Variants in MAPKAPK5 observed in about 807,000 individuals in gnomAD.
The protein encoded by MAPKAPK5 is MAP kinase-activated protein kinase 5.
A neutral mutation model predicts 65.1 loss-of-function variants in MAPKAPK5; 30 were observed. The ratio of observed to expected loss-of-function variants is 0.46; its 90% CI spans 0.34 to 0.63. The LOEUF (loss-of-function observed/expected upper bound fraction) is 0.63. MAPKAPK5 is among the 20% of genes least tolerant of loss of function. The probability of loss-of-function intolerance (pLI) is 0.01; values close to 1 mark genes in which losing one functional copy is unlikely to be tolerated. For synonymous variants in MAPKAPK5, 179 were observed against 204.6 expected, an observed-to-expected ratio of 0.87 and a Z score of 1.07; for missense variants, 433 against 581.4, an observed-to-expected ratio of 0.74 and a Z score of 2.63.
chr12:111,871,081 TCAGGA>T lies in MAPKAPK5; in HGVS notation c.484-3_485del, dbSNP rs1443192229. 3.1e-6 allele frequency: 5 copies of T among 1,611,400 alleles called. No homozygotes were observed. The highest frequency in any genetic ancestry group is 1.7e-4 in the Middle Eastern group (1 of 6,040). On this transcript the variant is annotated splice_acceptor_variant and splice_polypyrimidine_tract_variant and coding_sequence_variant and intron_variant, in exon 7 of 14. Coordinates refer to ENST00000550735, the MANE Select transcript of MAPKAPK5 (RefSeq NM_003668.4). LOFTEE classifies it high-confidence loss of function. ...GCAGTGACTCCTTTTTTTTTTAATT[TCAGGA>T]TGCCCCAGTGAAGTTGTGTGACTTT... is the stretch of plus-strand genomic sequence containing the variant.
intron 2 of MAPKAPK5, 151 bp from the exon 3 acceptor site, chr12:111,866,005 C>T (rs1431107348): frequency 1.1e-5 from 7 of 609,192 alleles, no homozygotes; most frequent in South Asian, 4.1e-5. Context: ...ATGCTTCTTT[C>T]CCCCACCTGC....
At chr12:111,872,659 C>T (rs931846888) in intron 7 of MAPKAPK5, among the ~76,000 whole-genome samples, 1 of 152,178 alleles carries the variant, frequency 6.6e-6, no homozygotes, top group Non-Finnish European at 1.5e-5. Context: ...GTCAGCAGGG[C>T]TGTGTTCCTT....
At chr12:111,866,285 C>A (rs527320631) in intron 3 of MAPKAPK5, 54 bp downstream of exon 3, 4 of 1,498,032 alleles carry the variant, frequency 2.7e-6, no homozygotes, top group Non-Finnish European at 3.6e-6. Context: ...AAGAATTGTT[C>A]TTTTGCAAGT....
In MAPKAPK5 at chr12:111,888,559, C is replaced by T. The variant is rs368776129; in HGVS notation, c.1041C>T (p.Val347=). 3 of 1,613,886 alleles carry T rather than the reference C, an allele frequency of 1.9e-6. No homozygotes were observed. Among genetic ancestry groups the T allele is most frequent in the South Asian group, 2.2e-5 (2 of 91,080 alleles). Residue 347 remains valine, a synonymous_variant, in exon 11 of 14, where the codon GTC becomes GTT. Coordinates refer to ENST00000550735, the MANE Select transcript of MAPKAPK5 (RefSeq NM_003668.4). ...LANMRIQDLK[V]SLKPLHSVNN... ...ACATGAGAATCCAGGATCTGAAAGTCAGCCTCAAACCCCTGCACTCAGTGA... is the reference window on the plus strand; with the variant it reads ...ACATGAGAATCCAGGATCTGAAAGTTAGCCTCAAACCCCTGCACTCAGTGA...
Position 111,889,956 on chromosome 12 carries a change from G to A in MAPKAPK5, c.1217-84G>A, listed in dbSNP as rs1359465051. The A allele has an allele frequency of 6.2e-6, 5 of 807,726 alleles. No homozygotes were observed. In the African/African-American group the frequency reaches 8.5e-5, roughly 14 times the overall value. 50.0% of individuals were successfully genotyped at this position (807,726 alleles called of 1,614,324 possible). ...TTCAGTCAACATTTTTCAACCAGTT[G>A]GACATCACGTCCCTCCATCTCTCAC... On this transcript the variant is annotated intron_variant, in intron 12 of 13. Coordinates refer to ENST00000550735, the MANE Select transcript of MAPKAPK5 (RefSeq NM_003668.4).
rs545842536 is a variant in MAPKAPK5 at position 111,864,961 on chromosome 12, C to G, written c.37-289C>G. Among the ~76,000 whole-genome samples the G allele has an allele frequency of 5.9e-5, 9 of 152,286 alleles. No homozygotes were observed. In the East Asian group the frequency reaches 1.7e-3, roughly 29 times the overall value. On this transcript the variant is annotated intron_variant, in intron 1 of 13. Coordinates refer to ENST00000550735, the MANE Select transcript of MAPKAPK5 (RefSeq NM_003668.4). ...TTGAAAGAGTATCTTCCTCTCAGAA[C>G]CCCCCAAAAGCATTGATTGTCTATG...
At chr12:111,886,749 CAGCTGAGAGGCCA>C (rs1386313768) in intron 10 of MAPKAPK5, among the ~76,000 whole-genome samples, 1 of 152,198 alleles carries the variant, frequency 6.6e-6, no homozygotes, top group African/African-American at 2.4e-5. Context: ...TAGTGGGATG[CAGCTGAGAGGCCA>C]TAGTAGCTTT....
intron 7 of MAPKAPK5, among the ~76,000 whole-genome samples, chr12:111,873,048 G>T (rs1278124639): frequency 2.0e-5 from 3 of 151,786 alleles, no homozygotes; most frequent in Non-Finnish European, 4.4e-5. Context: ...GAATTTTAAT[G>T]AAGTCTGTTT....
rs1356880573 is a variant in MAPKAPK5, at chr12:111,846,595, A to C, written c.36+3826A>C. On this transcript the variant is annotated intron_variant, in intron 1 of 13. Transcript: ENST00000550735. ...ACTGCAGCCTCTGCCTCCTGGGTTCAAGCAATTCTTCTGCCTCAGCCTCCC... is the reference window on the plus strand; with the variant it reads ...ACTGCAGCCTCTGCCTCCTGGGTTCCAGCAATTCTTCTGCCTCAGCCTCCC... Among the ~76,000 whole-genome samples, 3 of 150,842 alleles carry C rather than the reference A, an allele frequency of 2.0e-5. No homozygotes were observed. In the East Asian group the frequency reaches 5.8e-4, roughly 29 times the overall value.
At chr12:111,857,707 G>T (rs2069289863) in intron 1 of MAPKAPK5, among the ~76,000 whole-genome samples, 1 of 152,002 alleles carries the variant, frequency 6.6e-6, no homozygotes, top group Admixed American at 6.6e-5. Context: ...GGATAGTTTT[G>T]TTCAATATAG....
chr12:111,889,111 T>C (rs980485823), intron 12 of MAPKAPK5, 111 bp downstream of exon 12: 88 of 1,208,906 alleles, frequency 7.3e-5, no homozygotes, highest in Non-Finnish European at 9.8e-5. Context: ...TTTTGGGTTG[T>C]CTGTTTCATC....
At chr12:111,849,011 G>A (rs888418911) in intron 1 of MAPKAPK5, among the ~76,000 whole-genome samples, 4 of 152,130 alleles carry the variant, frequency 2.6e-5, no homozygotes, top group Non-Finnish European at 4.4e-5. Flanking sequence ...TGATCCGCCT[G>A]CCTTGGCCTC....
intron 1 of MAPKAPK5, among the ~76,000 whole-genome samples, chr12:111,864,648 G>A (rs2069545417): frequency 6.6e-6 from 1 of 152,156 alleles, no homozygotes; most frequent in South Asian, 2.1e-4. Context: ...ATCCTAAACT[G>A]TTGAAAGTTA....
Position 111,875,411 on chromosome 12 carries a change from T to A in MAPKAPK5, c.579+4231T>A, listed in dbSNP as rs115147526. On this transcript the variant is annotated intron_variant, in intron 7 of 13. Transcript: ENST00000550735. The stretch of plus-strand genomic sequence containing the variant: ...TTTTAAAATTTAAAAAAAATTTTTT[T>A]AAAATATTCCACTTCTACCCTCAGT... Among the ~76,000 whole-genome samples the A allele has an allele frequency of 4.0e-3, 611 of 152,200 alleles. 4 individuals are homozygous for A. The highest frequency in any genetic ancestry group is 0.014 in the Middle Eastern group (4 of 294).
In MAPKAPK5 at chr12:111,892,003, A is replaced by G. The variant is rs539564820; in HGVS notation, c.1322-964A>G. 2.0e-5 allele frequency among the ~76,000 whole-genome samples: 3 copies of G among 152,250 alleles called. No homozygotes were observed. In the East Asian group the frequency reaches 5.8e-4, roughly 29 times the overall value. ...AAAGGTAATCACAGTCCTGATTTCT[A>G]GCACTGTAGCCTAAGTTTGCCTGGT... On this transcript the variant is annotated intron_variant, in intron 13 of 13. Transcript: ENST00000550735.
chr12:111,870,194 T>C (rs2069737911), intron 5 of MAPKAPK5, 77 bp from the exon 6 acceptor site: 1 of 929,160 alleles, frequency 1.1e-6, no homozygotes, highest in Non-Finnish European at 1.6e-6. Context: ...TTTTTTGACA[T>C]CCTGAGTTCT....
At chr12:111,881,193 T>C (rs61440627) in intron 8 of MAPKAPK5, among the ~76,000 whole-genome samples, 29,562 of 149,672 alleles carry the variant, frequency 0.2, 3,083 homozygotes, top group Middle Eastern at 0.28. Context: ...CCTGCCTCAG[T>C]CTCCCAGGTA....
intron 1 of MAPKAPK5, among the ~76,000 whole-genome samples, chr12:111,859,963 GGGAGGCTGAGGCA>G (rs1268670787): frequency 1.3e-5 from 2 of 152,198 alleles, no homozygotes; most frequent in Non-Finnish European, 2.9e-5. Flanking sequence ...CCAGCTACTT[GGGAGGCTGAGGCA>G]GGAGAATTGC....
chr12:111,886,901 G>A (rs1045762769), intron 10 of MAPKAPK5, among the ~76,000 whole-genome samples: 1 of 152,208 alleles, frequency 6.6e-6, no homozygotes, highest in Non-Finnish European at 1.5e-5. Flanking sequence ...AGAAGTAGAG[G>A]TGAATGAACA....
Sources: gnomAD v4.1 joint callset for allele counts (sites outside exome capture counted in the v4.1 genomes callset) on GRCh38, gnomAD v4.1.1 for gene constraint, MANE v1.5 for transcripts, NCBI Gene and HGNC (gene_info 2026-07-23, HGNC 2026-07-21) for gene names.